Variants in CACNA1I observed in about 807,000 individuals in gnomAD.
CACNA1I encodes the protein calcium voltage-gated channel subunit alpha1 I, also known as voltage-dependent T-type calcium channel subunit alpha-1I.
CACNA1I carries 74 observed loss-of-function variants against 201.6 expected under a neutral mutation model. The ratio of observed to expected loss-of-function variants is 0.37; its 90% CI spans 0.30 to 0.45. The LOEUF is 0.45. Among genes scored for constraint, CACNA1I ranks in the 20% least tolerant of loss-of-function variants. The probability of loss-of-function intolerance (pLI) is 1.00; values close to 1 mark genes in which losing one functional copy is unlikely to be tolerated. For missense variants in CACNA1I, 2,346 were observed against 3,138.1 expected (o/e 0.75, Z 6.03); for synonymous variants, 1,431 against 1,345.2 (o/e 1.06, Z -1.40).
chr22:39,620,009 GTCTA>G (rs1282902731), intron 4 of CACNA1I, among the ~76,000 whole-genome samples: 10 of 93,144 alleles, frequency 1.1e-4, no homozygotes, highest in African/African-American at 3.7e-4. Context: ...CCATCCACCT[GTCTA>G]TCCATCCATC....
chr22:39,684,464 G>C lies in CACNA1I; in HGVS notation c.5993G>C (p.Arg1998Pro), dbSNP rs762336883. 6.2e-7 allele frequency: 1 copy of C among 1,613,162 alleles called. No homozygotes were observed. Among genetic ancestry groups the C allele is most frequent in the African/African-American group, 1.3e-5 (1 of 74,906 alleles). ...CTGCAGGGCTCCTGGGCATCTCTGCGGTCACCAAGGGTCAACTGTACCCTC... is the reference window on the plus strand; with the variant it reads ...CTGCAGGGCTCCTGGGCATCTCTGCCGTCACCAAGGGTCAACTGTACCCTC... ...IALQGSWASL[R>P]SPRVNCTLLR... The change falls in exon 36 of 37, where the codon CGG becomes CCG. Residue 1998 changes from arginine to proline, a missense_variant. Transcript: ENST00000402142. This position sits in a 1 kb window ranked among gnomAD's most constrained non-coding sequence, Gnocchi z 4.6.
chr22:39,663,710 C>CCGCCCCCGG lies in CACNA1I; in HGVS notation c.3474-8_3474-7insCGCCCCCGG. ...GACGCTCAGGCAGCCCCCGCCCACC[C>CCGCCCCCGG]TGCCCAGGTTCCGGGTCCTGTGTCA... On this transcript the variant is annotated splice_region_variant and splice_polypyrimidine_tract_variant and intron_variant, in intron 18 of 36. Transcript: ENST00000402142. 1.3e-6 allele frequency: 2 copies of CCGCCCCCGG among 1,579,504 alleles called. No individual in the cohort carries two copies. Among genetic ancestry groups the CCGCCCCCGG allele is most frequent in the East Asian group, 4.5e-5 (2 of 44,534 alleles).
At position 39,688,745 on chromosome 22, in the gene CACNA1I, G is replaced by T. The variant is rs1379283179; in HGVS notation, c.*2340G>T. 2 of 152,332 alleles carry T rather than the reference G, an allele frequency of 1.3e-5. No individual in the cohort carries two copies. The highest frequency in any genetic ancestry group is 2.9e-5 in the Non-Finnish European group (2 of 68,156). The allele number at this position is 152,332 out of a possible 1,614,324, so 9.4% of individuals were successfully genotyped here. On this transcript the variant is annotated 3_prime_UTR_variant, in exon 37 of 37. Coordinates refer to ENST00000402142, the MANE Select transcript of CACNA1I (RefSeq NM_021096.4). The surrounding 1 kb of genome is among the most constrained non-coding windows in gnomAD (Gnocchi z 4.8). Reference sequence around the variant, plus strand: ...GTGAAACCTCCCCTTACCCTGAACCGTGTGACTCTGCAAGCAGACACCTCG... The same window carrying T: ...GTGAAACCTCCCCTTACCCTGAACCTTGTGACTCTGCAAGCAGACACCTCG...
At chr22:39,646,147 C>T (rs1276204626) in intron 7 of CACNA1I, among the ~76,000 whole-genome samples, 2 of 152,062 alleles carry the variant, frequency 1.3e-5, no homozygotes, top group African/African-American at 4.8e-5. Flanking sequence ...GTCGCTTTCT[C>T]CTGGAGCGAG....
chr22:39,649,534 C>T lies in CACNA1I; in HGVS notation c.1601C>T (p.Thr534Met), dbSNP rs779348036. 5.1e-5 allele frequency: 80 copies of T among 1,557,602 alleles called. No individual in the cohort carries two copies. Among genetic ancestry groups the T allele is most frequent in the African/African-American group, 8.2e-5 (6 of 73,472 alleles). Reference sequence around the variant, plus strand: ...CCGCAACATAGCCCCCTGGATGCGACGCCCCACACCCTGGTGCAGCCCATC... The same window carrying T: ...CCGCAACATAGCCCCCTGGATGCGATGCCCCACACCCTGGTGCAGCCCATC... Reference protein sequence around the residue: ...LCPQHSPLDATPHTLVQPIPA... With the variant: ...LCPQHSPLDAMPHTLVQPIPA... The change falls in exon 10 of 37, where the codon ACG (threonine) becomes ATG (methionine). Residue 534 changes from threonine to methionine, a missense_variant. Transcript: ENST00000402142. The surrounding 1 kb of genome is among the most constrained non-coding windows in gnomAD (Gnocchi z 7.3).
Position 39,679,284 on chromosome 22 carries a change from G to A in CACNA1I, c.5233G>A (p.Glu1745Lys), listed in dbSNP as rs1402262603. 13 of 1,573,086 alleles carry A rather than the reference G, an allele frequency of 8.3e-6. No individual in the cohort carries two copies. The highest frequency in any genetic ancestry group is 4.1e-5 in the African/African-American group (3 of 73,996). The change falls in exon 32 of 37, where the codon GAG (glutamate) becomes AAG (lysine). Residue 1745 changes from glutamate to lysine, a missense_variant. Glu to Lys is a moderately conservative substitution (Grantham distance 56). Transcript: ENST00000402142. Reference protein sequence around the residue: ...DSNKEAQEDAEMDAELELEMA... With the variant: ...DSNKEAQEDAKMDAELELEMA... ...CAACAAGGAGGCGCAGGAGGACGCC[G>A]AGATGGATGCCGAGCTCGAGCTGGA...
In CACNA1I at chr22:39,649,539, C is replaced by T. The variant is rs768089538; in HGVS notation, c.1606C>T (p.His536Tyr). 1 of 1,556,480 alleles carries T rather than the reference C, an allele frequency of 6.4e-7. No homozygotes were observed. Among genetic ancestry groups the T allele is most frequent in the Admixed American group, 1.9e-5 (1 of 52,242 alleles). ...ACATAGCCCCCTGGATGCGACGCCC[C>T]ACACCCTGGTGCAGCCCATCCCCGC... Reference protein sequence around the residue: ...PQHSPLDATPHTLVQPIPATL... With the variant: ...PQHSPLDATPYTLVQPIPATL... The change falls in exon 10 of 37, where the codon CAC becomes TAC. Residue 536 changes from histidine to tyrosine, a missense_variant. Around this residue, in one of 13 missense-constraint regions of CACNA1I, gnomAD observed 312 missense variants for 331.5 expected, o/e 0.94. Transcript: ENST00000402142. The surrounding 1 kb of genome is among the most constrained non-coding windows in gnomAD (Gnocchi z 7.3).
At chr22:39,662,966 C>T (rs1935075672) in intron 18 of CACNA1I, 90 bp downstream of exon 18, 5 of 915,470 alleles carry the variant, frequency 5.5e-6, no homozygotes, top group South Asian at 4.4e-5. Context: ...CCATTGGTGG[C>T]GCTCTCCCAG....
intron 28 of CACNA1I, among the ~76,000 whole-genome samples, chr22:39,673,330 C>T (rs1260562452): frequency 2.0e-5 from 3 of 152,174 alleles, no homozygotes; most frequent in Admixed American, 6.5e-5. Flanking sequence ...CACACATGGA[C>T]ACACACTCCC....
chr22:39,674,886 G>A (rs191335974), intron 29 of CACNA1I, among the ~76,000 whole-genome samples: 32 of 152,326 alleles, frequency 2.1e-4, no homozygotes, highest in East Asian at 1.3e-3. Flanking sequence ...TTCGGGGACC[G>A]GGGCTAAGGA....
intron 1 of CACNA1I, among the ~76,000 whole-genome samples, chr22:39,574,270 T>C (rs1932272894): frequency 6.6e-6 from 1 of 152,084 alleles, no homozygotes; most frequent in African/African-American, 2.4e-5. Context: ...GCTGTGATGC[T>C]GTGTGCCTAC....
Position 39,648,484 on chromosome 22 carries a change from G to C in CACNA1I, c.1567+558G>C, listed in dbSNP as rs546117496. 6.6e-6 allele frequency among the ~76,000 whole-genome samples: 1 copy of C among 152,152 alleles called. No homozygotes were observed. Among genetic ancestry groups the C allele is most frequent in the South Asian group, 2.1e-4 (1 of 4,826 alleles). ...TGGCTGTCGCCCCACGTCCAGGTGG[G>C]AGCAGTGAGCCGGCGCTGGGAAGGG... On this transcript the variant is annotated intron_variant, in intron 9 of 36. Coordinates refer to ENST00000402142, the MANE Select transcript of CACNA1I (RefSeq NM_021096.4). This position sits in a 1 kb window ranked among gnomAD's most constrained non-coding sequence, Gnocchi z 5.4.
chr22:39,662,000 C>A lies in CACNA1I; in HGVS notation c.2937C>A (p.Gly979=). The A allele has an allele frequency of 1.3e-6, 2 of 1,564,070 alleles. No individual in the cohort carries two copies. ...GGAGCTCCTACTACGGGCCATGGGG[C>A]CGCAGCGCGGCCTGGGCCAGCCGTC... ...SSRSSYYGPW[G]RSAAWASRRS... is the part of the protein sequence containing the mutation. Residue 979 remains glycine, a synonymous_variant, in exon 17 of 37, where the codon GGC becomes GGA. Transcript: ENST00000402142.
intron 20 of CACNA1I, 114 bp downstream of exon 20, chr22:39,664,273 GC>G: frequency 2.3e-6 from 2 of 852,030 alleles, no homozygotes; most frequent in Non-Finnish European, 3.7e-6. Context: ...TTCACTCGTA[GC>G]CCCATGGCCC....
rs776584119 is a variant in CACNA1I, at chr22:39,642,862, C to T, written c.1122C>T (p.Asn374=). 1.2e-6 allele frequency: 2 copies of T among 1,607,088 alleles called. No homozygotes were observed. Among genetic ancestry groups the T allele is most frequent in the Admixed American group, 1.7e-5 (1 of 59,460 alleles). ...TGATGGATGCTCACTCCTTCTACAA[C>T]TTCATCTACTTCATCCTGCTTATCA... ...YYVMDAHSFY[N]FIYFILLIIV... is the part of the protein sequence containing the mutation. The change falls in exon 7 of 37, where the codon AAC becomes AAT. Residue 374 remains asparagine, a synonymous_variant. Coordinates refer to ENST00000402142, the MANE Select transcript of CACNA1I (RefSeq NM_021096.4).
chr22:39,574,167 T>G (rs1181309501), intron 1 of CACNA1I, among the ~76,000 whole-genome samples: 1 of 152,170 alleles, frequency 6.6e-6, no homozygotes, highest in Non-Finnish European at 1.5e-5. Flanking sequence ...AAGTTAAGAT[T>G]TAAGGCTCAG....
chr22:39,590,064 G>T (rs1932804127), intron 1 of CACNA1I, among the ~76,000 whole-genome samples: 1 of 152,134 alleles, frequency 6.6e-6, no homozygotes, highest in African/African-American at 2.4e-5. Context: ...AACCATGCAG[G>T]CCTCTGGCTC....
chr22:39,624,316 G>T (rs941114934), intron 4 of CACNA1I, among the ~76,000 whole-genome samples: 2 of 152,110 alleles, frequency 1.3e-5, no homozygotes, highest in Non-Finnish European at 2.9e-5. Context: ...GGACACTCCC[G>T]GTCCCCAGCA....
rs550716259 is a variant in CACNA1I, at chr22:39,594,630, G to A, written c.237-3521G>A. Among the ~76,000 whole-genome samples, 202 of 152,164 alleles carry A rather than the reference G, an allele frequency of 1.3e-3. 1 individual carries two copies. Among genetic ancestry groups the A allele is most frequent in the African/African-American group, 4.4e-3 (183 of 41,512 alleles). On this transcript the variant is annotated intron_variant, in intron 1 of 36. Coordinates refer to ENST00000402142, the MANE Select transcript of CACNA1I (RefSeq NM_021096.4). ...AAAGTGGGCAGGGCTGGGGATGGGA[G>A]GGAGGCTGTTGCCATGGAAACCAGG...
Sources: gnomAD v4.1 joint callset for allele counts (sites outside exome capture counted in the v4.1 genomes callset) on GRCh38, gnomAD v4.1.1 for gene constraint, gnomAD v4.1.1 regional missense constraint, Gnocchi (gnomAD v3.1) non-coding constraint, MANE v1.5 for transcripts, NCBI Gene and HGNC (gene_info 2026-07-23, HGNC 2026-07-21) for gene names.